The following DRD3 variants were observed in gnomAD, a reference collection of about 807,000 sequenced individuals.
The protein encoded by DRD3 is dopamine receptor D3.
Under a neutral mutation model 36.3 loss-of-function variants are expected in DRD3, and 19 were observed. The observed-to-expected ratio is 0.52, with a 90% CI of 0.36 to 0.77. The LOEUF is 0.77. Ranked by LOEUF, DRD3 falls within the 30% of genes least tolerant of loss-of-function variation. The pLI is 0.00. For synonymous variants in DRD3, 195 were observed against 203.7 expected (o/e 0.96, Z 0.36); for missense variants, 465 against 505.3 (o/e 0.92, Z 0.77).
intron 1 of DRD3, among the ~76,000 whole-genome samples, chr3:114,198,569 T>C (rs897991790): frequency 6.6e-6 from 1 of 152,202 alleles, no homozygotes; most frequent in Non-Finnish European, 1.5e-5. Flanking sequence ...GATTTTTTGG[T>C]GTAGATTTTA....
intron 3 of DRD3, among the ~76,000 whole-genome samples, chr3:114,154,247 A>G (rs555289941): frequency 1.3e-5 from 2 of 152,124 alleles, no homozygotes; most frequent in South Asian, 2.1e-4. Flanking sequence ...CAGGATCTAT[A>G]TGGTTGGTCA....
At chr3:114,133,412 T>G (rs748292122) in intron 5 of DRD3, among the ~76,000 whole-genome samples, 1 of 151,988 alleles carries the variant, frequency 6.6e-6, no homozygotes, top group Non-Finnish European at 1.5e-5. Context: ...GTAGATGAAA[T>G]AAGACTGACC....
At chr3:114,158,275 T>G (rs967555049) in intron 3 of DRD3, among the ~76,000 whole-genome samples, 2 of 150,192 alleles carry the variant, frequency 1.3e-5, no homozygotes, top group African/African-American at 4.9e-5. Flanking sequence ...AAAAGGAATA[T>G]AATTGCATAA....
intron 6 of DRD3, among the ~76,000 whole-genome samples, chr3:114,129,775 A>G (rs1338157155): frequency 1.3e-5 from 2 of 152,202 alleles, no homozygotes; most frequent in African/African-American, 4.8e-5. Context: ...AATAAAGTTC[A>G]GGCTGGGCAC....
At chr3:114,187,527 T>C (rs1238963012) in intron 1 of DRD3, among the ~76,000 whole-genome samples, 1 of 152,234 alleles carries the variant, frequency 6.6e-6, no homozygotes, top group East Asian at 1.9e-4. Context: ...ACAACTCCTT[T>C]GCAATCTTGT....
At chr3:114,147,607 A>G (rs2107847270) in intron 3 of DRD3, 50 bp from the exon 4 acceptor site, 1 of 1,583,540 alleles carries the variant, frequency 6.3e-7, no homozygotes, top group East Asian at 2.3e-5. Context: ...GGAATGGGGT[A>G]CTTTTCTTTC....
At chr3:114,197,217 T>A (rs1471004700) in intron 1 of DRD3, among the ~76,000 whole-genome samples, 2 of 150,770 alleles carry the variant, frequency 1.3e-5, no homozygotes, top group African/African-American at 4.9e-5. Flanking sequence ...GTTTCAGCGA[T>A]CCCCCGGCCT....
At chr3:114,192,381 T>C (rs966134654) in intron 1 of DRD3, among the ~76,000 whole-genome samples, 1 of 152,192 alleles carries the variant, frequency 6.6e-6, no homozygotes, top group African/African-American at 2.4e-5. Flanking sequence ...CTGGGTAGCT[T>C]GCTGTAGATT....
chr3:114,151,559 G>A (rs534702693), intron 3 of DRD3, among the ~76,000 whole-genome samples: 14 of 152,194 alleles, frequency 9.2e-5, no homozygotes, highest in South Asian at 8.3e-4. Context: ...ATCAGCTCTC[G>A]CTAGCCATGA....
intron 5 of DRD3, among the ~76,000 whole-genome samples, chr3:114,137,173 A>G (rs957034958): frequency 2.6e-5 from 4 of 152,246 alleles, no homozygotes; most frequent in Non-Finnish European, 4.4e-5. Context: ...AGTAGAATCA[A>G]GATAAGCCAG....
chr3:114,156,769 TTCTTTC>T (rs2077677360), intron 3 of DRD3, among the ~76,000 whole-genome samples: 1 of 122,074 alleles, frequency 8.2e-6, no homozygotes, highest in African/African-American at 3.0e-5. Flanking sequence ...CTTTCTTTCT[TTCTTTC>T]TTTCTTTCTT....
At chr3:114,191,267 G>A (rs1028352532) in intron 1 of DRD3, among the ~76,000 whole-genome samples, 5 of 152,198 alleles carry the variant, frequency 3.3e-5, no homozygotes, top group African/African-American at 1.2e-4. Context: ...GACAGTGAAT[G>A]GCTGACTATG....
chr3:114,190,295 A>C (rs1301866537), intron 1 of DRD3, among the ~76,000 whole-genome samples: 1 of 150,544 alleles, frequency 6.6e-6, no homozygotes, highest in Non-Finnish European at 1.5e-5. Context: ...TTCAAGCTGC[A>C]ATTGCTGGCT....
At chr3:114,139,817 G>A in intron 4 of DRD3, 121 bp from the exon 5 acceptor site, 2 of 877,360 alleles carry the variant, frequency 2.3e-6, no homozygotes, top group South Asian at 3.5e-5. Context: ...GGGGTGGGAA[G>A]GATGCAGTCT....
intron 1 of DRD3, among the ~76,000 whole-genome samples, chr3:114,196,865 G>A (rs956420168): frequency 3.9e-5 from 6 of 151,912 alleles, no homozygotes; most frequent in East Asian, 1.9e-4. Flanking sequence ...TCCATTATAC[G>A]TTCTAAATAC....
At chr3:114,149,572 TG>T (rs1559987767) in intron 3 of DRD3, among the ~76,000 whole-genome samples, 1 of 152,220 alleles carries the variant, frequency 6.6e-6, no homozygotes, top group African/African-American at 2.4e-5. Context: ...AGGCTGAACC[TG>T]TGACTATAAT....
intron 1 of DRD3, among the ~76,000 whole-genome samples, chr3:114,193,099 G>A (rs1032776701): frequency 1.3e-5 from 2 of 151,862 alleles, no homozygotes; most frequent in African/African-American, 4.8e-5. Flanking sequence ...CTAACACGGT[G>A]AAACCCCGCC....
At chr3:114,146,328 A>C (rs940762120) in intron 4 of DRD3, among the ~76,000 whole-genome samples, 1 of 152,214 alleles carries the variant, frequency 6.6e-6, no homozygotes, top group Non-Finnish European at 1.5e-5. Flanking sequence ...TGACCACTGG[A>C]ACACTAATCA....
chr3:114,189,168 A>C (rs2077990464), intron 1 of DRD3, among the ~76,000 whole-genome samples: 1 of 152,158 alleles, frequency 6.6e-6, no homozygotes, highest in South Asian at 2.1e-4. Flanking sequence ...TCTTTTATTC[A>C]GTTGATTTAA....
Sources: allele counts gnomAD v4.1 joint callset (sites outside exome capture counted in the v4.1 genomes callset), GRCh38; gene constraint gnomAD v4.1.1; transcripts MANE v1.5; gene names NCBI Gene and HGNC (gene_info 2026-07-23, HGNC 2026-07-21).